Variants in IL19 observed in about 807,000 individuals in gnomAD.
The protein encoded by IL19 is interleukin 19, also known as interleukin-19.
IL19 carries 15 observed loss-of-function variants against 19.5 expected under a neutral mutation model. The ratio of observed to expected loss-of-function variants is 0.77; its 90% CI spans 0.52 to 1.19. The LOEUF is 1.19. IL19 is among the 50% of genes most tolerant of loss of function. The probability of loss-of-function intolerance (pLI) is 0.00; values close to 1 mark genes in which losing one functional copy is unlikely to be tolerated. For synonymous variants in IL19, 78 were observed against 78.3 expected, an observed-to-expected ratio of 1.00 and a Z score of 0.02; for missense variants, 199 against 213.1, an observed-to-expected ratio of 0.93 and a Z score of 0.41.
At chr1:206,811,620 C>T (rs1038901881) in intron 2 of IL19, among the ~76,000 whole-genome samples, 3 of 152,018 alleles carry the variant, frequency 2.0e-5, no homozygotes, top group African/African-American at 7.2e-5. Context: ...GCTCAATGGC[C>T]CTGAGCATAA....
chr1:206,779,989 AT>A (rs1675094659), intron 1 of IL19, among the ~76,000 whole-genome samples: 1 of 151,404 alleles, frequency 6.6e-6, no homozygotes, highest in African/African-American at 2.4e-5. Flanking sequence ...ATGCCCAGTG[AT>A]TTATCCCCTC....
intron 1 of IL19, chr1:206,772,541 G>C: frequency 1.9e-6 from 2 of 1,053,740 alleles, no homozygotes; most frequent in East Asian, 4.9e-5. Context: ...GCTCAGGGAG[G>C]CCTCTTCATT....
At chr1:206,810,882 G>A (rs946260122) in intron 2 of IL19, among the ~76,000 whole-genome samples, 3 of 152,176 alleles carry the variant, frequency 2.0e-5, no homozygotes, top group Non-Finnish European at 2.9e-5. Context: ...TCACCTGAGA[G>A]CTAGTTGTTT....
intron 1 of IL19, among the ~76,000 whole-genome samples, chr1:206,776,957 C>A (rs946091675): frequency 1.4e-5 from 2 of 147,956 alleles, no homozygotes; most frequent in African/African-American, 2.5e-5. Flanking sequence ...CCTTGTCGGG[C>A]ACGGTGGCTC....
chr1:206,810,578 G>C (rs922356522), intron 2 of IL19, among the ~76,000 whole-genome samples: 1 of 152,162 alleles, frequency 6.6e-6, no homozygotes, highest in African/African-American at 2.4e-5. Context: ...CTATAAGCCA[G>C]GTATGATGGT....
chr1:206,798,624 C>T (rs556779625), intron 1 of IL19, among the ~76,000 whole-genome samples: 55 of 151,938 alleles, frequency 3.6e-4, no homozygotes, highest in Non-Finnish European at 6.6e-4. Flanking sequence ...CCCTCTTCCC[C>T]GACCCGATTT....
At chr1:206,785,380 A>G (rs1572547230) in intron 1 of IL19, among the ~76,000 whole-genome samples, 1 of 152,340 alleles carries the variant, frequency 6.6e-6, no homozygotes, top group East Asian at 1.9e-4. Context: ...CCTTTACGAA[A>G]TCACCAGCAA....
At chr1:206,804,357 C>T (rs1298100558) in intron 2 of IL19, among the ~76,000 whole-genome samples, 8 of 152,192 alleles carry the variant, frequency 5.3e-5, no homozygotes, top group African/African-American at 1.9e-4. Context: ...TTCCCTGATG[C>T]CAATGATAAC....
At chr1:206,813,520 C>G (rs1572561872) in intron 2 of IL19, among the ~76,000 whole-genome samples, 1 of 152,096 alleles carries the variant, frequency 6.6e-6, no homozygotes, top group East Asian at 2.0e-4. Context: ...GGATCCCTCC[C>G]TGTGAACTAA....
intron 1 of IL19, chr1:206,772,457 T>C (rs758412149): frequency 6.2e-7 from 1 of 1,613,290 alleles, no homozygotes; most frequent in African/African-American, 1.3e-5. Context: ...CAAGTCTGTC[T>C]TGTGGTTTGG....
intron 1 of IL19, among the ~76,000 whole-genome samples, chr1:206,788,351 T>G (rs568820573): frequency 6.6e-6 from 1 of 152,354 alleles, no homozygotes; most frequent in Admixed American, 6.5e-5. Context: ...TGTCTTACTA[T>G]ATACAAGACA....
At chr1:206,840,195 AACTCC>A in intron 5 of IL19, 193 bp downstream of exon 5, 1 of 718,924 alleles carries the variant, frequency 1.4e-6, no homozygotes. Context: ...GCCTGCTGAC[AACTCC>A]TCAGATGGTC....
At chr1:206,791,357 C>T (rs1039181340) in intron 1 of IL19, among the ~76,000 whole-genome samples, 7 of 145,448 alleles carry the variant, frequency 4.8e-5, no homozygotes, top group African/African-American at 7.7e-5. Context: ...GGCTGGAGTA[C>T]AATGGCATGA....
chr1:206,776,693 C>T (rs577733512), intron 1 of IL19, among the ~76,000 whole-genome samples: 154 of 151,982 alleles, frequency 1.0e-3, no homozygotes, highest in Non-Finnish European at 1.7e-3. Context: ...TTAGCTCACA[C>T]CCGACCAATC....
At chr1:206,785,993 G>C (rs1302060857) in intron 1 of IL19, among the ~76,000 whole-genome samples, 1 of 151,920 alleles carries the variant, frequency 6.6e-6, no homozygotes, top group Non-Finnish European at 1.5e-5. Context: ...GTGTGTTAGG[G>C]AGGGGTGGTG....
At chr1:206,840,347 A>G in intron 5 of IL19, 3 of 402,252 alleles carry the variant, frequency 7.5e-6, no homozygotes, top group East Asian at 6.1e-5. Flanking sequence ...CTTTACATCA[A>G]TAAACCTCTG....
chr1:206,820,818 C>T (rs548700800), intron 2 of IL19, among the ~76,000 whole-genome samples: 5 of 152,212 alleles, frequency 3.3e-5, no homozygotes, highest in East Asian at 1.9e-4. Context: ...CTCCCCACCC[C>T]GCTTTCAAAC....
intron 2 of IL19, among the ~76,000 whole-genome samples, chr1:206,832,167 A>C (rs1163962575): frequency 6.6e-6 from 1 of 152,226 alleles, no homozygotes; most frequent in Non-Finnish European, 1.5e-5. Flanking sequence ...ACCCTCTCCA[A>C]AGGAGCAGAA....
intron 1 of IL19, among the ~76,000 whole-genome samples, chr1:206,774,929 G>A (rs1331851881): frequency 6.6e-6 from 1 of 152,032 alleles, no homozygotes; most frequent in Non-Finnish European, 1.5e-5. Context: ...AGATGTGTGT[G>A]TAAATACACA....
Sources: allele counts gnomAD v4.1 joint callset (sites outside exome capture counted in the v4.1 genomes callset), GRCh38; gene constraint gnomAD v4.1.1; transcripts MANE v1.5; gene names NCBI Gene and HGNC (gene_info 2026-07-23, HGNC 2026-07-21).